Variants in RBFOX1 observed in about 807,000 individuals in gnomAD.
The protein encoded by RBFOX1 is RNA binding fox-1 homolog 1, also known as RNA binding protein fox-1 homolog 1.
RBFOX1 carries 8 observed loss-of-function variants against 57.7 expected under a neutral mutation model. The ratio of observed to expected loss-of-function variants is 0.14; its 90% CI spans 0.08 to 0.25. RBFOX1 has a LOEUF of 0.25. Among genes scored for constraint, RBFOX1 ranks in the 10% least tolerant of loss-of-function variants. RBFOX1 has a pLI of 1.00. For synonymous variants in RBFOX1, 326 were observed against 222.4 expected, an observed-to-expected ratio of 1.47 and a Z score of -4.15; for missense variants, 611 against 548.5, an observed-to-expected ratio of 1.11 and a Z score of -1.14.
intron 3 of RBFOX1, among the ~76,000 whole-genome samples, chr16:6,816,603 G>A (rs1039605834): frequency 7.2e-5 from 11 of 151,808 alleles, no homozygotes; most frequent in Non-Finnish European, 1.6e-4. Flanking sequence ...AGCCAGGCGT[G>A]GTGGCGGGCA....
intron 4 of RBFOX1, among the ~76,000 whole-genome samples, chr16:5,876,753 C>T (rs1341632047): frequency 6.6e-6 from 1 of 152,156 alleles, no homozygotes; most frequent in Non-Finnish European, 1.5e-5. Flanking sequence ...TGCTCCCGGG[C>T]TCATACTTCA....
At chr16:5,849,933 G>T (rs1276621225) in intron 3 of RBFOX1, among the ~76,000 whole-genome samples, 1 of 152,212 alleles carries the variant, frequency 6.6e-6, no homozygotes, top group Non-Finnish European at 1.5e-5. Flanking sequence ...CAAAGGGAAT[G>T]TTATATTTCG....
chr16:7,106,819 A>G (rs968847400), intron 4 of RBFOX1, among the ~76,000 whole-genome samples: 2 of 152,124 alleles, frequency 1.3e-5, no homozygotes, highest in Admixed American at 6.6e-5. Context: ...GCTGGACAGC[A>G]TTAAACAGAT....
chr16:6,935,430 TTCTC>T (rs1183500198), intron 3 of RBFOX1, among the ~76,000 whole-genome samples: 1 of 152,182 alleles, frequency 6.6e-6, no homozygotes, highest in Admixed American at 6.5e-5. Flanking sequence ...GGAAATCTTT[TTCTC>T]TCTCTTCTTG....
intron 4 of RBFOX1, among the ~76,000 whole-genome samples, chr16:7,434,245 G>A (rs984610162): frequency 3.3e-5 from 5 of 152,090 alleles, no homozygotes; most frequent in Non-Finnish European, 7.3e-5. Flanking sequence ...GCCAAGGCAG[G>A]CAGATCACGA....
intron 14 of RBFOX1, among the ~76,000 whole-genome samples, chr16:7,695,689 A>G (rs991273713): frequency 4.0e-5 from 6 of 150,068 alleles, no homozygotes; most frequent in African/African-American, 1.5e-4. Flanking sequence ...TGTGCCCACT[A>G]CCCACATTCT....
intron 2 of RBFOX1, among the ~76,000 whole-genome samples, chr16:5,548,166 AAAAAAAAAATATAT>A (rs1567217340): frequency 3.0e-5 from 1 of 33,736 alleles, no homozygotes; most frequent in Non-Finnish European, 7.4e-5. Context: ...GTTAAAAAAA[AAAAAAAAAATATAT>A]ATATATATAT....
intron 2 of RBFOX1, among the ~76,000 whole-genome samples, chr16:5,590,640 A>G (rs1221567193): frequency 6.6e-6 from 1 of 152,174 alleles, no homozygotes; most frequent in East Asian, 1.9e-4. Context: ...CAGATCGGGC[A>G]CTGAGGAACC....
intron 4 of RBFOX1, among the ~76,000 whole-genome samples, chr16:7,146,658 TAAC>T (rs1368382050): frequency 1.5e-4 from 23 of 151,912 alleles, no homozygotes; most frequent in Admixed American, 1.4e-3. Flanking sequence ...AACGTAAAAA[TAAC>T]AATGCGGCTG....
chr16:5,729,644 C>G (rs74399048), intron 3 of RBFOX1, among the ~76,000 whole-genome samples: 2,027 of 152,128 alleles, frequency 0.013, 58 homozygotes, highest in African/African-American at 0.045. Flanking sequence ...CACTAAAGGT[C>G]TCAAGCAAGG....
rs941873202 is a variant in RBFOX1, at chr16:5,765,633, A to G, written c.319-101670A>G. 1.2e-4 allele frequency among the ~76,000 whole-genome samples: 19 copies of G among 152,214 alleles called. 1 individual carries two copies. The highest frequency in any genetic ancestry group is 9.8e-4 in the Admixed American group (15 of 15,292). The stretch of plus-strand genomic sequence containing the variant: ...GCTATGGATTCTCTGCAAACACTGT[A>G]AGAGATATGGTACTTTTTTGCAATT... On this transcript the variant is annotated intron_variant, in intron 3 of 19. Coordinates refer to the RBFOX1 transcript ENST00000641259.
chr16:6,675,783 G>T (rs890822160), intron 3 of RBFOX1, among the ~76,000 whole-genome samples: 3 of 152,152 alleles, frequency 2.0e-5, no homozygotes, highest in Non-Finnish European at 4.4e-5. Flanking sequence ...CACAAGAACA[G>T]TATGGGAAAA....
chr16:6,004,250 C>T (rs971066824), intron 4 of RBFOX1, among the ~76,000 whole-genome samples: 1 of 152,184 alleles, frequency 6.6e-6, no homozygotes, highest in East Asian at 1.9e-4. Context: ...AGCCTGACTA[C>T]CTGGCTTTGC....
intron 3 of RBFOX1, among the ~76,000 whole-genome samples, chr16:6,954,438 G>A (rs2081353420): frequency 6.6e-6 from 1 of 151,960 alleles, no homozygotes; most frequent in African/African-American, 2.4e-5. Context: ...AAAATTACAC[G>A]ACTATAAATT....
chr16:5,758,871 G>C (rs1340270218), intron 3 of RBFOX1, among the ~76,000 whole-genome samples: 1 of 152,158 alleles, frequency 6.6e-6, no homozygotes, highest in Non-Finnish European at 1.5e-5. Flanking sequence ...TGGCAAAAGC[G>C]TGGCTGACCC....
At chr16:5,295,743 C>G (rs553810146) in intron 1 of RBFOX1, among the ~76,000 whole-genome samples, 1 of 152,304 alleles carries the variant, frequency 6.6e-6, no homozygotes, top group South Asian at 2.1e-4. Context: ...CCCATCACCT[C>G]TGCCATATGC....
intron 2 of RBFOX1, among the ~76,000 whole-genome samples, chr16:6,511,821 G>C (rs1291748332): frequency 1.3e-5 from 2 of 152,178 alleles, no homozygotes; most frequent in African/African-American, 4.8e-5. Flanking sequence ...GAAGTATCTA[G>C]ACTTGAAGTC....
At chr16:7,006,644 C>T (rs1424729034) in intron 3 of RBFOX1, among the ~76,000 whole-genome samples, 1 of 152,052 alleles carries the variant, frequency 6.6e-6, no homozygotes, top group Non-Finnish European at 1.5e-5. Context: ...GACAAGGTCT[C>T]CCTGTGATGC....
chr16:6,497,975 A>G (rs2153165518), intron 2 of RBFOX1, among the ~76,000 whole-genome samples: 1 of 152,242 alleles, frequency 6.6e-6, no homozygotes, highest in African/African-American at 2.4e-5. Flanking sequence ...CAGGCCAGGC[A>G]CAGTGGTTCA....
Sources: allele counts gnomAD v4.1 joint callset (sites outside exome capture counted in the v4.1 genomes callset), GRCh38; gene constraint gnomAD v4.1.1; transcripts MANE v1.5; gene names NCBI Gene and HGNC (gene_info 2026-07-23, HGNC 2026-07-21).